The following OTUD7B variants were observed in gnomAD, a reference collection of about 807,000 sequenced individuals.
OTUD7B encodes the protein OTU deubiquitinase 7B.
OTUD7B carries 34 observed loss-of-function variants against 82.2 expected under a neutral mutation model. The observed-to-expected ratio is 0.41, with a 90% CI of 0.31 to 0.55. The LOEUF (loss-of-function observed/expected upper bound fraction) is 0.55, where lower values mean the gene tolerates loss of function less well. Among genes scored for constraint, OTUD7B ranks in the 20% least tolerant of loss-of-function variants. The pLI, the probability that OTUD7B is intolerant of heterozygous loss-of-function variation, is 0.20. For synonymous variants in OTUD7B, 398 were observed against 402.7 expected (o/e 0.99, Z 0.14); for missense variants, 944 against 1,062.1 (o/e 0.89, Z 1.55).
chr1:150,059,156 C>T, the OTUD7B span, among the ~76,000 whole-genome samples: 4 of 148,342 alleles, frequency 2.7e-5, no homozygotes, highest in Admixed American at 1.4e-4. Flanking sequence ...CAGGTTCAAG[C>T]GATTCTTCTG....
the OTUD7B span, among the ~76,000 whole-genome samples, chr1:150,034,501 G>C: frequency 6.6e-6 from 1 of 152,126 alleles, no homozygotes; most frequent in East Asian, 1.9e-4. Flanking sequence ...ACAGAATTAT[G>C]ACAGGAGTTC....
intron 3 of OTUD7B, among the ~76,000 whole-genome samples, chr1:149,969,253 G>C (rs781963766): frequency 1.3e-5 from 2 of 152,072 alleles, no homozygotes; most frequent in Non-Finnish European, 2.9e-5. Context: ...AGCCTAGGAG[G>C]TTTAGGCTGT....
At chr1:149,975,722 G>T (rs1650258485) in intron 2 of OTUD7B, among the ~76,000 whole-genome samples, 1 of 151,840 alleles carries the variant, frequency 6.6e-6, no homozygotes, top group Non-Finnish European at 1.5e-5. Flanking sequence ...AAAGTAGTAG[G>T]AGAAGAAACT....
the OTUD7B span, among the ~76,000 whole-genome samples, chr1:150,021,981 C>A: frequency 2.0e-5 from 3 of 152,316 alleles, no homozygotes; most frequent in East Asian, 5.8e-4. Context: ...AATCTAAACT[C>A]TCCCTTTCTC....
intron 1 of OTUD7B, among the ~76,000 whole-genome samples, chr1:150,007,169 T>C (rs1553786332): frequency 6.6e-6 from 1 of 152,226 alleles, no homozygotes; most frequent in African/African-American, 2.4e-5. Flanking sequence ...TACTTTCTGT[T>C]TGGAAGATCC....
At chr1:150,065,905 A>G in the OTUD7B span, among the ~76,000 whole-genome samples, 2 of 142,166 alleles carry the variant, frequency 1.4e-5, no homozygotes, top group African/African-American at 3.1e-5. Flanking sequence ...ACTGACATCA[A>G]TGAAATTTTA....
the OTUD7B span, among the ~76,000 whole-genome samples, chr1:150,055,898 G>C: frequency 6.6e-6 from 1 of 152,126 alleles, no homozygotes; most frequent in Admixed American, 6.5e-5. Context: ...TGGAGGGTGG[G>C]AGAAGGGAGA....
chr1:150,005,029 AT>A (rs1553785780), intron 1 of OTUD7B, among the ~76,000 whole-genome samples: 1 of 151,736 alleles, frequency 6.6e-6, no homozygotes, highest in African/African-American at 2.4e-5. Context: ...TGCCTGGCCT[AT>A]TTTTTTATTA....
chr1:149,947,667 A>G (rs1218316061), intron 10 of OTUD7B, among the ~76,000 whole-genome samples: 1 of 152,186 alleles, frequency 6.6e-6, no homozygotes, highest in Non-Finnish European at 1.5e-5. Context: ...TGTTGTAAAT[A>G]TTATTTAGAA....
the OTUD7B span, among the ~76,000 whole-genome samples, chr1:150,038,662 C>T: frequency 2.9e-4 from 44 of 152,336 alleles, 1 homozygote; most frequent in East Asian, 8.1e-3. Context: ...GCTGGGATTA[C>T]AGGCATGAGC....
At chr1:150,024,043 G>C in the OTUD7B span, among the ~76,000 whole-genome samples, 1 of 152,140 alleles carries the variant, frequency 6.6e-6, no homozygotes, top group Non-Finnish European at 1.5e-5. Flanking sequence ...TCAGATAGTG[G>C]CCAGTGCTAA....
the OTUD7B span, among the ~76,000 whole-genome samples, chr1:150,066,428 T>C: frequency 1.4e-3 from 1 of 740 alleles, no homozygotes; most frequent in African/African-American, 6.0e-3. This position sits in a 1 kb window ranked among gnomAD's most constrained non-coding sequence, Gnocchi z 4.6. Flanking sequence ...GTAGAAAAGC[T>C]GAAAGAAAAA....
At chr1:149,990,829 TA>T (rs1651515949) in intron 1 of OTUD7B, among the ~76,000 whole-genome samples, 1 of 151,972 alleles carries the variant, frequency 6.6e-6, no homozygotes, top group South Asian at 2.1e-4. Context: ...CCGTCTCTAC[TA>T]AATACAAAAA....
chr1:149,953,398 T>C (rs1571608533), intron 7 of OTUD7B, among the ~76,000 whole-genome samples: 2 of 152,214 alleles, frequency 1.3e-5, no homozygotes, highest in East Asian at 1.9e-4. Flanking sequence ...TTCTGTTCCA[T>C]TGGTCTATAT....
At chr1:150,033,611 C>T in the OTUD7B span, among the ~76,000 whole-genome samples, 1 of 152,182 alleles carries the variant, frequency 6.6e-6, no homozygotes, top group African/African-American at 2.4e-5. Context: ...TAGTTATCAT[C>T]TACTGCTCAT....
the OTUD7B span, among the ~76,000 whole-genome samples, chr1:150,042,211 C>T: frequency 1.4e-5 from 2 of 147,860 alleles, no homozygotes; most frequent in Non-Finnish European, 3.0e-5. Flanking sequence ...CTCACTCTGT[C>T]GCCCAGGCTG....
rs1289574783 is a variant in OTUD7B at position 149,938,822 on chromosome 1, C to T, written c.*5035G>A. 6.8e-6 allele frequency: 1 copy of T among 147,610 alleles called. No homozygotes were observed. Among genetic ancestry groups the T allele is most frequent in the East Asian group, 2.0e-4 (1 of 5,092 alleles). The allele number at this position is 147,610 out of a possible 1,614,324, so 9.1% of individuals were successfully genotyped here. A position where few individuals can be genotyped will look rare whatever the true frequency, so the allele number is the denominator to read the frequency against. On this transcript the variant is annotated 3_prime_UTR_variant, in exon 12 of 12. Coordinates refer to ENST00000581312, the MANE Select transcript of OTUD7B (RefSeq NM_020205.4). ...TGGTAGGCTCCTGTAATCCCAGCTACTCGGGAGCCTGAGGCAGGAGAATCG... is the reference window on the plus strand; with the variant it reads ...TGGTAGGCTCCTGTAATCCCAGCTATTCGGGAGCCTGAGGCAGGAGAATCG...
At chr1:150,053,792 C>T in the OTUD7B span, 2 of 206,406 alleles carry the variant, frequency 9.7e-6, no homozygotes, top group Admixed American at 5.9e-5. Context: ...AAATCAAAAC[C>T]ACAATGAGAT....
Position 149,950,085 on chromosome 1 carries a change from C to G in OTUD7B, c.973+9G>C. On this transcript the variant is annotated intron_variant, in intron 8 of 11. Transcript: ENST00000581312. Reference sequence around the variant, plus strand: ...TCAGCATGGAGTGAGGACTGACTGGCTGACTCACCTTCCCCTCCGGAGTCC... The same window carrying G: ...TCAGCATGGAGTGAGGACTGACTGGGTGACTCACCTTCCCCTCCGGAGTCC... The G allele has an allele frequency of 6.2e-7, 1 of 1,613,574 alleles. No individual in the cohort carries two copies.
Sources: gnomAD v4.1 joint callset for allele counts (sites outside exome capture counted in the v4.1 genomes callset) on GRCh38, gnomAD v4.1.1 for gene constraint, Gnocchi (gnomAD v3.1) non-coding constraint, MANE v1.5 for transcripts, NCBI Gene and HGNC (gene_info 2026-07-23, HGNC 2026-07-21) for gene names.